EXOC6B: variants seen among roughly 807,000 people sequenced by gnomAD.
EXOC6B encodes exocyst complex component 6B.
A neutral mutation model predicts 113.5 loss-of-function variants in EXOC6B; 54 were observed. That is an observed-to-expected ratio of 0.48 (90% confidence interval 0.38 to 0.60). EXOC6B has a LOEUF of 0.60. Among genes scored for constraint, EXOC6B ranks in the 20% least tolerant of loss-of-function variants. EXOC6B has a pLI of 0.00. For synonymous variants in EXOC6B, 357 were observed against 339.0 expected (o/e 1.05, Z -0.58); for missense variants, 797 against 977.5 (o/e 0.82, Z 2.46).
At chr2:72,253,951 G>C (rs1015511186) in intron 20 of EXOC6B, among the ~76,000 whole-genome samples, 1 of 152,052 alleles carries the variant, frequency 6.6e-6, no homozygotes, top group Non-Finnish European at 1.5e-5. Flanking sequence ...ACAAGGTCAG[G>C]AGATCAAGAC....
intron 20 of EXOC6B, among the ~76,000 whole-genome samples, chr2:72,315,340 T>TGTGTGC (rs1491543794): frequency 3.5e-5 from 5 of 141,576 alleles, no homozygotes; most frequent in African/African-American, 1.4e-4. Context: ...AAAGGGTGTA[T>TGTGTGC]GTGTGTGTGT....
At chr2:72,228,988 G>A (rs1395060400) in intron 20 of EXOC6B, among the ~76,000 whole-genome samples, 1 of 152,122 alleles carries the variant, frequency 6.6e-6, no homozygotes, top group Admixed American at 6.5e-5. Flanking sequence ...TCTCATTGTG[G>A]TTTTGATTTG....
chr2:72,501,737 A>C (rs751300563), intron 11 of EXOC6B, among the ~76,000 whole-genome samples: 11 of 146,458 alleles, frequency 7.5e-5, no homozygotes, highest in Non-Finnish European at 1.5e-4. Context: ...CCAAAAAAAA[A>C]ACCAAAACAA....
At chr2:72,530,561 T>G (rs565161186) in intron 8 of EXOC6B, among the ~76,000 whole-genome samples, 9 of 152,296 alleles carry the variant, frequency 5.9e-5, no homozygotes, top group South Asian at 2.1e-4. Flanking sequence ...ACTGATGTTA[T>G]GTACAGTGTT....
At chr2:72,654,033 G>A (rs748385113) in intron 6 of EXOC6B, among the ~76,000 whole-genome samples, 2 of 149,406 alleles carry the variant, frequency 1.3e-5, no homozygotes, top group Non-Finnish European at 3.0e-5. Context: ...GCAGTGCCGC[G>A]ATCTCTGCTC....
intron 17 of EXOC6B, among the ~76,000 whole-genome samples, chr2:72,470,291 T>A (rs777555617): frequency 1.3e-5 from 2 of 152,182 alleles, no homozygotes; most frequent in Non-Finnish European, 2.9e-5. Flanking sequence ...CGGACATTTT[T>A]CACCTCCCTG....
At chr2:72,187,968 A>G (rs1283662525) in intron 20 of EXOC6B, among the ~76,000 whole-genome samples, 1 of 152,202 alleles carries the variant, frequency 6.6e-6, no homozygotes, top group Non-Finnish European at 1.5e-5. Flanking sequence ...CAAGCCTACA[A>G]GGGCAGGGAG....
chr2:72,616,487 GTAT>G (rs1558847862), intron 6 of EXOC6B, among the ~76,000 whole-genome samples: 1 of 152,186 alleles, frequency 6.6e-6, no homozygotes, highest in Non-Finnish European at 1.5e-5. Flanking sequence ...TAACTACAGT[GTAT>G]TAGTCTGTTT....
chr2:72,451,813 G>A (rs1022131812), intron 18 of EXOC6B, among the ~76,000 whole-genome samples: 2 of 152,068 alleles, frequency 1.3e-5, no homozygotes, highest in African/African-American at 4.8e-5. Flanking sequence ...GGTCCCGGGG[G>A]CAAGTACGTA....
intron 8 of EXOC6B, among the ~76,000 whole-genome samples, chr2:72,533,162 G>A (rs1486632930): frequency 6.6e-6 from 1 of 152,104 alleles, no homozygotes; most frequent in African/African-American, 2.4e-5. Context: ...ACAATAACCT[G>A]GCATTATGAG....
chr2:72,249,545 G>C (rs1450150918), intron 20 of EXOC6B, among the ~76,000 whole-genome samples: 1 of 151,804 alleles, frequency 6.6e-6, no homozygotes, highest in Non-Finnish European at 1.5e-5. Context: ...TGAATTCTAG[G>C]AAAGAAATTT....
At chr2:72,418,259 A>T (rs1330371827) in intron 18 of EXOC6B, among the ~76,000 whole-genome samples, 1 of 152,228 alleles carries the variant, frequency 6.6e-6, no homozygotes, top group Non-Finnish European at 1.5e-5. Context: ...TCGTACAAAC[A>T]TCACCAACAT....
chr2:72,763,263 T>G (rs774838007), intron 1 of EXOC6B, among the ~76,000 whole-genome samples: 3 of 152,150 alleles, frequency 2.0e-5, no homozygotes, highest in Non-Finnish European at 4.4e-5. Context: ...TAATTGAGTA[T>G]ACTTCCATTT....
chr2:72,397,661 T>TAAAATAAAATAAAATAAAATAAAAAAAA (rs1558625759), intron 18 of EXOC6B, among the ~76,000 whole-genome samples: 1 of 102,082 alleles, frequency 9.8e-6, no homozygotes, highest in African/African-American at 8.6e-5. Flanking sequence ...AAAATAAAAT[T>TAAAATAAAATAAAATAAAATAAAAAAAA]ATATATATAT....
intron 20 of EXOC6B, among the ~76,000 whole-genome samples, chr2:72,258,361 C>CATTT (rs1683481619): frequency 8.0e-6 from 1 of 124,838 alleles, no homozygotes; most frequent in Non-Finnish European, 1.7e-5. Context: ...TTATCTTTTT[C>CATTT]TTTTTTTTTT....
At chr2:72,317,141 T>C (rs1687560881) in intron 20 of EXOC6B, among the ~76,000 whole-genome samples, 4 of 147,638 alleles carry the variant, frequency 2.7e-5, no homozygotes, top group African/African-American at 1.1e-4. Flanking sequence ...AATGCTACCA[T>C]GATAATTGTG....
chr2:72,376,851 G>T (rs1691392491), intron 19 of EXOC6B, among the ~76,000 whole-genome samples: 1 of 151,324 alleles, frequency 6.6e-6, no homozygotes, highest in South Asian at 2.1e-4. Context: ...GCGTGGAATT[G>T]TTTTTTTCTT....
At chr2:72,310,028 C>G (rs1478926231) in intron 20 of EXOC6B, among the ~76,000 whole-genome samples, 1 of 152,074 alleles carries the variant, frequency 6.6e-6, no homozygotes, top group Non-Finnish European at 1.5e-5. Context: ...TATGTTTATC[C>G]ATTCATCAGT....
chr2:72,576,198 A>C (rs751829730), intron 6 of EXOC6B, among the ~76,000 whole-genome samples: 8 of 152,170 alleles, frequency 5.3e-5, no homozygotes, highest in Non-Finnish European at 1.2e-4. Context: ...AAATAAAATC[A>C]GGAGAATGAA....
Sources: allele counts gnomAD v4.1 joint callset (sites outside exome capture counted in the v4.1 genomes callset), GRCh38; gene constraint gnomAD v4.1.1; transcripts MANE v1.5; gene names NCBI Gene and HGNC (gene_info 2026-07-23, HGNC 2026-07-21).